Variants in CPT2 observed in about 807,000 individuals in gnomAD.
CPT2 encodes carnitine O-palmitoyltransferase 2, mitochondrial.
CPT2 carries 37 observed loss-of-function variants against 48.6 expected under a neutral mutation model. That is an observed-to-expected ratio of 0.76 (90% CI 0.59 to 1.00). The LOEUF is 1.00. Among genes scored for constraint, CPT2 ranks in the 50% least tolerant of loss-of-function variants. The pLI, the probability that CPT2 is intolerant of heterozygous loss-of-function variation, is 0.00. For missense variants in CPT2, 772 were observed against 825.6 expected (o/e 0.94, Z 0.80); for synonymous variants, 319 against 326.9 (o/e 0.98, Z 0.26).
chr1:53,209,675 C>T, intron 3 of CPT2: 1 of 325,858 alleles, frequency 3.1e-6, no homozygotes, highest in Non-Finnish European at 5.8e-6. Flanking sequence ...ACTCAGGAGG[C>T]TGAGGCAGGA....
chr1:53,197,882 T>C (rs1034164978), intron 1 of CPT2, among the ~76,000 whole-genome samples: 1 of 151,968 alleles, frequency 6.6e-6, no homozygotes, highest in African/African-American at 2.4e-5. Flanking sequence ...TCCATCATAC[T>C]CAGATCCAGG....
chr1:53,205,992 C>G (rs745590841), intron 3 of CPT2, among the ~76,000 whole-genome samples: 1 of 152,082 alleles, frequency 6.6e-6, no homozygotes, highest in Non-Finnish European at 1.5e-5. Context: ...ACCATCCTGG[C>G]TAACATGGTG....
At position 53,196,973 on chromosome 1, in the gene CPT2, GC is replaced by G. The variant is rs764763293; in HGVS notation, c.34del (p.Arg12GlyfsTer61). 6.5e-7 allele frequency: 1 copy of G among 1,527,778 alleles called. No individual in the cohort carries two copies. The highest frequency in any genetic ancestry group is 8.7e-7 in the Non-Finnish European group (1 of 1,144,068). 94.6% of individuals were successfully genotyped at this position (1,527,778 alleles called of 1,614,324 possible). MVPRLLLRAWPRGPAVGPGAP... is the reference protein window; with the variant it reads MVPRLLLRAWXRGPAVGPGAP... The stretch of plus-strand genomic sequence containing the variant: ...TGCCCCGCCTGCTGCTGCGCGCCTG[GC>G]CCCGGGGCCCCGCGGTTGGTCCGGG... On this transcript the variant is annotated frameshift_variant, in exon 1 of 5. Coordinates refer to ENST00000371486, the MANE Select transcript of CPT2 (RefSeq NM_000098.3). LOFTEE classifies it high-confidence loss of function.
Position 53,211,181 on chromosome 1 carries a change from C to G in CPT2, c.1507C>G (p.Arg503Gly). The G allele has an allele frequency of 6.2e-7, 1 of 1,608,480 alleles. No individual in the cohort carries two copies. Among genetic ancestry groups the G allele is most frequent in the Non-Finnish European group, 8.5e-7 (1 of 1,176,126 alleles). Residue 503 changes from arginine to glycine, a missense_variant, in exon 4 of 5, where the codon CGC becomes GGC. Physicochemically the swap from Arg to Gly is moderately radical, Grantham distance 125 (BLOSUM62 -2). Coordinates refer to ENST00000371486, the MANE Select transcript of CPT2 (RefSeq NM_000098.3). ...CAAGCACGGCCGCACTGAGACCATC[C>G]GCCCGGCCTCCGTCTATACAAAGAG... ...AFKHGRTETI[R>G]PASVYTKRCS...
intron 1 of CPT2, among the ~76,000 whole-genome samples, chr1:53,199,091 C>T (rs967928581): frequency 3.9e-5 from 6 of 152,282 alleles, no homozygotes; most frequent in South Asian, 2.1e-4. Flanking sequence ...GAGACAGTCT[C>T]GCTCTGTTGC....
At position 53,196,937 on chromosome 1, in the gene CPT2, C is replaced by T; in HGVS notation, c.-7C>T. ...CCGCGTTCTCGCCGCCGCAGGCTCC[C>T]GGGACGATGGTGCCCCGCCTGCTGC... On this transcript the variant is annotated 5_prime_UTR_variant, in exon 1 of 5. Coordinates refer to ENST00000371486, the MANE Select transcript of CPT2 (RefSeq NM_000098.3). 1.3e-6 allele frequency: 2 copies of T among 1,544,794 alleles called. No individual in the cohort carries two copies. The highest frequency in any genetic ancestry group is 8.7e-7 in the Non-Finnish European group (1 of 1,154,330).
chr1:53,201,075 C>G (rs1046635808), intron 2 of CPT2: 29 of 469,920 alleles, frequency 6.2e-5, no homozygotes, highest in South Asian at 4.4e-4. Flanking sequence ...GGGAGGCTCG[C>G]TGGTCCTGGT....
chr1:53,200,824 G>C (rs748379123), intron 2 of CPT2, 25 bp downstream of exon 2: 5 of 1,579,928 alleles, frequency 3.2e-6, no homozygotes, highest in Admixed American at 1.7e-5. Flanking sequence ...CCTTGGGTGA[G>C]CATAGTTGGG....
At chr1:53,212,741 C>CCT in intron 4 of CPT2, 1 of 407,566 alleles carries the variant, frequency 2.5e-6, no homozygotes, top group Admixed American at 4.1e-5. Context: ...GTGAAAGGGA[C>CCT]CTCCAAGACA....
chr1:53,197,235 C>G, intron 1 of CPT2, 140 bp downstream of exon 1: 2 of 1,077,240 alleles, frequency 1.9e-6, no homozygotes, highest in Non-Finnish European at 2.7e-6. Flanking sequence ...AGCCCCTAAT[C>G]TGGAAGTCTT....
chr1:53,197,172 C>G (rs956879581), intron 1 of CPT2, 77 bp downstream of exon 1: 1 of 1,507,020 alleles, frequency 6.6e-7, no homozygotes, highest in Non-Finnish European at 8.9e-7. Context: ...TCACTCATGA[C>G]TCCTCTAGTG....
In CPT2 at chr1:53,205,428, C is replaced by G. The variant is rs117873941; in HGVS notation, c.340+2999C>G. 2.5e-3 allele frequency among the ~76,000 whole-genome samples: 380 copies of G among 152,240 alleles called. 9 individuals are homozygous for G. In the East Asian group the frequency reaches 0.065, roughly 26 times the overall value. ...GAAAGCATATGGTCATATGCATTCA[C>G]AGAGAGATGATGTGAAAGTGGGACT... On this transcript the variant is annotated intron_variant, in intron 3 of 4. Coordinates refer to ENST00000371486, the MANE Select transcript of CPT2 (RefSeq NM_000098.3).
intron 4 of CPT2, 144 bp from the exon 5 acceptor site, chr1:53,213,120 C>T: frequency 2.8e-6 from 2 of 725,482 alleles, no homozygotes; most frequent in Non-Finnish European, 4.9e-6. Context: ...GAAGGTTAGT[C>T]AGTTGGTGGT....
intron 2 of CPT2, 75 bp from the exon 3 acceptor site, chr1:53,202,248 G>A (rs970780100): frequency 2.5e-6 from 3 of 1,184,016 alleles, no homozygotes; most frequent in Middle Eastern, 3.9e-4. Context: ...ACTCTATTAT[G>A]AGTTCCTCGC....
Position 53,213,419 on chromosome 1 carries a change from G to C in CPT2, c.1801G>C (p.Gly601Arg), listed in dbSNP as rs1429009343. ...GAGCAGCCCAGCAGTGAACCTTGGG[G>C]GCTTTGCCCCTGTGGTCTCTGATGG... ...TLSSPAVNLG[G>R]FAPVVSDGFG... is the part of the protein sequence containing the mutation. The change falls in exon 5 of 5, where the codon GGC (glycine) becomes CGC (arginine). Residue 601 changes from glycine to arginine, a missense_variant. Gly to Arg is a moderately radical substitution (Grantham distance 125). Transcript: ENST00000371486. 2 of 1,614,114 alleles carry C rather than the reference G, an allele frequency of 1.2e-6. No homozygotes were observed. The highest frequency in any genetic ancestry group is 1.7e-5 in the Admixed American group (1 of 60,004).
Position 53,196,977 on chromosome 1 carries a change from C to T in CPT2, c.34C>T (p.Arg12Trp), listed in dbSNP as rs1270720547. Residue 12 changes from arginine (R) to tryptophan (W), a missense_variant, in exon 1 of 5, where the codon CGG (arginine) becomes TGG (tryptophan). Physicochemically the swap from Arg to Trp is moderately radical, Grantham distance 101. Coordinates refer to ENST00000371486, the MANE Select transcript of CPT2 (RefSeq NM_000098.3). ...VPRLLLRAWP[R>W]GPAVGPGAPS... ...CCGCCTGCTGCTGCGCGCCTGGCCCCGGGGCCCCGCGGTTGGTCCGGGAGC... is the reference window on the plus strand; with the variant it reads ...CCGCCTGCTGCTGCGCGCCTGGCCCTGGGGCCCCGCGGTTGGTCCGGGAGC... 6.5e-7 allele frequency: 1 copy of T among 1,527,510 alleles called. No individual in the cohort carries two copies. The highest frequency in any genetic ancestry group is 8.7e-7 in the Non-Finnish European group (1 of 1,143,730). 94.6% of individuals were successfully genotyped at this position (1,527,510 alleles called of 1,614,324 possible).
At chr1:53,202,644 C>T in intron 3 of CPT2, 1 of 593,452 alleles carries the variant, frequency 1.7e-6, no homozygotes, top group East Asian at 3.0e-5. Flanking sequence ...TGATGGCCAG[C>T]CTTCTCTGTA....
At position 53,210,862 on chromosome 1, in the gene CPT2, C is replaced by T. The variant is rs767826599; in HGVS notation, c.1188C>T (p.Ala396=). 31 of 1,614,102 alleles carry T rather than the reference C, an allele frequency of 1.9e-5. 1 individual carries two copies. In the Middle Eastern group the frequency reaches 1.2e-3, roughly 60 times the overall value. Residue 396 remains alanine (A), a synonymous_variant, in exon 4 of 5, where the codon GCC becomes GCT. Coordinates refer to ENST00000371486, the MANE Select transcript of CPT2 (RefSeq NM_000098.3). ...EVFKDSTQTP[A]VTPQSQPATT... ...TTAAAGACAGCACTCAGACCCCTGC[C>T]GTCACTCCACAGAGCCAGCCAGCTA... is the stretch of plus-strand genomic sequence containing the variant.
rs143075786 is a variant in CPT2, at chr1:53,211,009, C to T, written c.1335C>T (p.Cys445=). ...DATMKTLTID[C]VQFQRGGKEF... is the part of the protein sequence containing the mutation. ...CCATGAAAACCCTCACTATTGACTG[C>T]GTCCAGTTTCAGAGAGGAGGCAAAG... The change falls in exon 4 of 5, where the codon TGC becomes TGT. Residue 445 remains cysteine (C), a synonymous_variant. Transcript: ENST00000371486. 5.2e-5 allele frequency: 84 copies of T among 1,614,056 alleles called. No homozygotes were observed. In the East Asian group the frequency reaches 7.6e-4, roughly 15 times the overall value.
Sources: allele counts gnomAD v4.1 joint callset (sites outside exome capture counted in the v4.1 genomes callset), GRCh38; gene constraint gnomAD v4.1.1; transcripts MANE v1.5; gene names NCBI Gene and HGNC (gene_info 2026-07-23, HGNC 2026-07-21).